The following DLG2 variants were observed in gnomAD, a reference collection of about 807,000 sequenced individuals.
DLG2 encodes disks large homolog 2.
DLG2 carries 45 observed loss-of-function variants against 132.5 expected under a neutral mutation model. The observed-to-expected ratio is 0.34, with a 90% CI of 0.27 to 0.44. The LOEUF (loss-of-function observed/expected upper bound fraction) is 0.44. Ranked by LOEUF, DLG2 falls within the 20% of genes least tolerant of loss-of-function variation. DLG2 has a pLI of 1.00. For synonymous variants in DLG2, 424 were observed against 419.6 expected (o/e 1.01, Z -0.13); for missense variants, 1,045 against 1,196.9 (o/e 0.87, Z 1.87).
intron 18 of DLG2, among the ~76,000 whole-genome samples, chr11:83,673,709 C>T (rs1382807740): frequency 6.6e-6 from 1 of 152,158 alleles, no homozygotes; most frequent in African/African-American, 2.4e-5. Flanking sequence ...ATCATATGTG[C>T]TGTCCTGCTA....
intron 6 of DLG2, among the ~76,000 whole-genome samples, chr11:84,631,642 C>T (rs1198726266): frequency 6.6e-6 from 1 of 152,116 alleles, no homozygotes; most frequent in Non-Finnish European, 1.5e-5. Flanking sequence ...ATAGGCCATA[C>T]TTCACTACCA....
intron 3 of DLG2, among the ~76,000 whole-genome samples, chr11:85,447,194 C>T (rs973339755): frequency 1.3e-5 from 2 of 152,154 alleles, no homozygotes; most frequent in Non-Finnish European, 2.9e-5. Flanking sequence ...CTAGCTTTCA[C>T]TTCTTTATTT....
intron 6 of DLG2, chr11:84,546,604 C>G: frequency 2.0e-6 from 1 of 498,470 alleles, no homozygotes; most frequent in South Asian, 1.6e-5. Flanking sequence ...CCACGACTCT[C>G]TCATACCTCA....
intron 6 of DLG2, among the ~76,000 whole-genome samples, chr11:84,867,800 C>T (rs957545546): frequency 9.9e-5 from 15 of 152,112 alleles, no homozygotes; most frequent in Non-Finnish European, 1.9e-4. Flanking sequence ...TGGGGCCGGA[C>T]GTGGTGGCTC....
intron 7 of DLG2, among the ~76,000 whole-genome samples, chr11:84,474,588 A>G (rs890895361): frequency 6.6e-6 from 1 of 152,054 alleles, no homozygotes; most frequent in African/African-American, 2.4e-5. Flanking sequence ...TTCCCATTCT[A>G]TACATGAGGC....
At chr11:83,765,860 T>C (rs2094120559) in intron 18 of DLG2, among the ~76,000 whole-genome samples, 1 of 152,186 alleles carries the variant, frequency 6.6e-6, no homozygotes, top group African/African-American at 2.4e-5. Context: ...GCTACCCAAA[T>C]ATACTCAATA....
chr11:84,244,024 T>C (rs2097269093), intron 8 of DLG2, among the ~76,000 whole-genome samples: 1 of 152,184 alleles, frequency 6.6e-6, no homozygotes. Context: ...AGAGGTGGGT[T>C]TACAACCCAG....
At chr11:85,539,446 T>A (rs144783554) in intron 3 of DLG2, among the ~76,000 whole-genome samples, 1 of 152,194 alleles carries the variant, frequency 6.6e-6, no homozygotes, top group South Asian at 2.1e-4. Flanking sequence ...ATTGAGGAAA[T>A]ATTTCCTCCC....
intron 3 of DLG2, among the ~76,000 whole-genome samples, chr11:85,516,024 C>T (rs2094162361): frequency 6.6e-6 from 1 of 151,986 alleles, no homozygotes; most frequent in African/African-American, 2.4e-5. Context: ...GCCCTGATTA[C>T]ATTCTATTTT....
At chr11:83,872,513 T>A (rs1190776765) in intron 16 of DLG2, among the ~76,000 whole-genome samples, 2 of 152,154 alleles carry the variant, frequency 1.3e-5, no homozygotes, top group Non-Finnish European at 1.5e-5. Context: ...CAGTTTGCTA[T>A]TTTTTTGTAA....
intron 8 of DLG2, among the ~76,000 whole-genome samples, chr11:84,242,532 A>G (rs1459305687): frequency 6.6e-6 from 1 of 151,864 alleles, no homozygotes; most frequent in African/African-American, 2.4e-5. Context: ...CAGCCTCCCA[A>G]GTAGCTGGGA....
At chr11:85,283,049 C>CA (rs1296918870) in intron 4 of DLG2, among the ~76,000 whole-genome samples, 1 of 151,478 alleles carries the variant, frequency 6.6e-6, no homozygotes, top group African/African-American at 2.4e-5. Context: ...AATACATGGT[C>CA]ACAAACAGGG....
intron 6 of DLG2, among the ~76,000 whole-genome samples, chr11:84,585,317 C>T (rs1443473453): frequency 6.6e-6 from 1 of 152,092 alleles, no homozygotes. Flanking sequence ...AGTAAATTGG[C>T]TCTAGAACTG....
chr11:84,359,585 G>A (rs1159874947), intron 7 of DLG2, among the ~76,000 whole-genome samples: 1 of 151,834 alleles, frequency 6.6e-6, no homozygotes, highest in Non-Finnish European at 1.5e-5. Context: ...TGAAACTAAG[G>A]AGAAACAATT....
intron 5 of DLG2, among the ~76,000 whole-genome samples, chr11:85,125,451 A>G (rs2074974046): frequency 1.3e-5 from 2 of 152,208 alleles, no homozygotes; most frequent in Non-Finnish European, 2.9e-5. Flanking sequence ...GACTATGGAT[A>G]TATGTCTGAA....
Position 85,056,980 on chromosome 11 carries a change from G to A in DLG2, c.357+54681C>T, listed in dbSNP as rs566735657. On this transcript the variant is annotated intron_variant, in intron 6 of 27. Transcript: ENST00000376104. ...TTCAGGTAGAAGGAAAATGATACTG[G>A]AAGGAAGCAGAAACATACAGAAAGG... 2.0e-5 allele frequency among the ~76,000 whole-genome samples: 3 copies of A among 151,924 alleles called. No individual in the cohort carries two copies. The South Asian group carries it at 6.2e-4, about 31-fold the overall frequency.
At chr11:84,206,045 A>G (rs758311340) in intron 8 of DLG2, among the ~76,000 whole-genome samples, 3 of 152,102 alleles carry the variant, frequency 2.0e-5, no homozygotes, top group African/African-American at 4.8e-5. Context: ...AGGCAATATT[A>G]TCAACATTTC....
intron 8 of DLG2, among the ~76,000 whole-genome samples, chr11:84,232,480 C>T (rs939418515): frequency 1.3e-5 from 2 of 152,122 alleles, no homozygotes; most frequent in African/African-American, 2.4e-5. Context: ...TAAAATTTTA[C>T]CCCCCTAAAA....
intron 22 of DLG2, among the ~76,000 whole-genome samples, chr11:83,473,909 T>C (rs1417898171): frequency 6.6e-6 from 1 of 152,060 alleles, no homozygotes. Context: ...TTGAGCAATA[T>C]GTGGGTATAG....
Sources: allele counts gnomAD v4.1 joint callset (sites outside exome capture counted in the v4.1 genomes callset), GRCh38; gene constraint gnomAD v4.1.1; transcripts MANE v1.5; gene names NCBI Gene and HGNC (gene_info 2026-07-23, HGNC 2026-07-21).